Variants in GAK observed in about 807,000 individuals in gnomAD.
GAK encodes the protein cyclin-G-associated kinase.
A neutral mutation model predicts 143.9 loss-of-function variants in GAK; 79 were observed. The observed-to-expected ratio is 0.55, with a 90% CI of 0.46 to 0.66. GAK has a LOEUF of 0.66. GAK is among the 30% of genes least tolerant of loss of function. The probability of loss-of-function intolerance (pLI) is 0.00; values close to 1 mark genes in which losing one functional copy is unlikely to be tolerated. For synonymous variants in GAK, 881 were observed against 765.5 expected, an observed-to-expected ratio of 1.15 and a Z score of -2.49; for missense variants, 1,693 against 1,779.7, an observed-to-expected ratio of 0.95 and a Z score of 0.88.
chr4:891,356 G>A (rs1035479051), intron 9 of GAK, among the ~76,000 whole-genome samples: 3 of 150,844 alleles, frequency 2.0e-5, no homozygotes, highest in African/African-American at 4.9e-5. Flanking sequence ...CCTCCACCTC[G>A]CATGCCCAAC....
intron 25 of GAK, chr4:851,474 C>T: frequency 1.8e-6 from 1 of 552,128 alleles, no homozygotes; most frequent in South Asian, 2.2e-5. Context: ...CATCCTGATG[C>T]CTCCAGAGTA....
intron 1 of GAK, among the ~76,000 whole-genome samples, chr4:917,141 C>T (rs1206188177): frequency 6.6e-6 from 1 of 151,894 alleles, no homozygotes; most frequent in Admixed American, 6.6e-5. Flanking sequence ...AACGACCAGG[C>T]CAAAAAAAGA....
At chr4:868,381 A>G (rs1711522371) in intron 20 of GAK, among the ~76,000 whole-genome samples, 158 bp downstream of exon 20, 2 of 152,128 alleles carry the variant, frequency 1.3e-5, no homozygotes, top group South Asian at 2.1e-4. Context: ...CTCGTGAGCC[A>G]TTAAAGAACA....
intron 11 of GAK, among the ~76,000 whole-genome samples, chr4:885,475 T>C (rs530747592): frequency 9.9e-5 from 15 of 152,180 alleles, no homozygotes; most frequent in Non-Finnish European, 1.8e-4. Context: ...AGGTGGGCAT[T>C]GAGTGCCACA....
Position 896,758 on chromosome 4 carries a change from G to C in GAK, c.652-209C>G, listed in dbSNP as rs554580828. On this transcript the variant is annotated intron_variant, in intron 6 of 27. Coordinates refer to ENST00000314167, the MANE Select transcript of GAK (RefSeq NM_005255.4). ...GGCCTCAGCGCGCTCCTTACGATGA[G>C]GACTGAGTCATTCACCTCCCTCAAT... 1.2e-4 allele frequency among the ~76,000 whole-genome samples: 18 copies of C among 152,394 alleles called. No homozygotes were observed. The South Asian group carries it at 3.1e-3, about 26-fold the overall frequency.
intron 27 of GAK, 59 bp from the exon 28 acceptor site, chr4:849,833 G>GTCCCCCCCCCCCCCC: frequency 2.5e-6 from 3 of 1,190,152 alleles, no homozygotes; most frequent in Non-Finnish European, 3.5e-6. Context: ...GGCGGGGCAG[G>GTCCCCCCCCCCCCCC]ACCCCCCCCC....
chr4:929,057 C>T (rs1041284121), intron 1 of GAK, among the ~76,000 whole-genome samples: 3 of 152,336 alleles, frequency 2.0e-5, no homozygotes, highest in East Asian at 1.9e-4. Context: ...CCACTGCGCC[C>T]GGCCCAGAAC....
intron 1 of GAK, among the ~76,000 whole-genome samples, chr4:931,712 T>A (rs527319523): frequency 5.1e-4 from 77 of 151,898 alleles, no homozygotes; most frequent in African/African-American, 1.8e-3. Flanking sequence ...CGTAACATCT[T>A]CCCCCACCCA....
chr4:893,927 T>C lies in GAK; in HGVS notation c.824A>G (p.Lys275Arg). ...CGTGTCGTGCGGGGGGATCGAGTAC[T>C]TCCCATTGACTATTCGAAGTTTCGC... ...DGAKLRIVNGKYSIPPHDTQY... is the reference protein window; with the variant it reads ...DGAKLRIVNGRYSIPPHDTQY... The change falls in exon 8 of 28, where the codon AAG (lysine) becomes AGG (arginine). Residue 275 changes from lysine (K) to arginine (R), a missense_variant. By Grantham distance (26) the Lys-to-Arg change is conservative (BLOSUM62 2). Around this residue, in one of 2 missense-constraint regions of GAK, gnomAD observed 871 missense variants for 991.0 expected, o/e 0.88. Transcript: ENST00000314167. The C allele has an allele frequency of 6.2e-7, 1 of 1,612,870 alleles. No individual in the cohort carries two copies. The highest frequency in any genetic ancestry group is 8.5e-7 in the Non-Finnish European group (1 of 1,179,672).
At chr4:866,770 G>A (rs554245248) in intron 21 of GAK, among the ~76,000 whole-genome samples, 186 bp downstream of exon 21, 5 of 152,300 alleles carry the variant, frequency 3.3e-5, no homozygotes, top group South Asian at 2.1e-4. Context: ...AGTAGCTCCC[G>A]GCCCGTGAGC....
intron 5 of GAK, among the ~76,000 whole-genome samples, chr4:901,960 G>A (rs1255654501): frequency 2.0e-5 from 3 of 152,248 alleles, no homozygotes; most frequent in Admixed American, 6.5e-5. Flanking sequence ...TGTCCTGGCC[G>A]GGCGTGGTGT....
intron 24 of GAK, 57 bp from the exon 25 acceptor site, chr4:852,031 G>A: frequency 7.2e-7 from 1 of 1,389,522 alleles, no homozygotes; most frequent in Non-Finnish European, 1.0e-6. Context: ...GGCAACTACT[G>A]TTTCTATAAC....
intron 9 of GAK, among the ~76,000 whole-genome samples, chr4:891,788 G>C (rs910701953): frequency 6.6e-6 from 1 of 152,254 alleles, no homozygotes; most frequent in African/African-American, 2.4e-5. Context: ...CCAAGCGAGG[G>C]GGACACGAGG....
In GAK at chr4:870,717, TAGAC is replaced by T. The variant is rs1474854400; in HGVS notation, c.2238_2241del (p.Lys748LeufsTer71). Reference sequence around the variant, plus strand: ...TTCACCTGCGGGATCTTACCAAACTTAGACAGAATGTCTTGCTGCTCCTCCCGGC... The same window carrying T: ...TTCACCTGCGGGATCTTACCAAACTTAGAATGTCTTGCTGCTCCTCCCGGC... On this transcript the variant is annotated frameshift_variant, in exon 19 of 28. Coordinates refer to ENST00000314167, the MANE Select transcript of GAK (RefSeq NM_005255.4). LOFTEE classifies it high-confidence loss of function. 5 of 1,613,714 alleles carry T rather than the reference TAGAC, an allele frequency of 3.1e-6. No homozygotes were observed. The highest frequency in any genetic ancestry group is 1.7e-5 in the Admixed American group (1 of 59,942).
intron 21 of GAK, among the ~76,000 whole-genome samples, 194 bp from the exon 22 acceptor site, chr4:866,728 G>A (rs1298496417): frequency 6.6e-6 from 1 of 152,190 alleles, no homozygotes; most frequent in Admixed American, 6.5e-5. Context: ...ACTTTCCCAG[G>A]GACACAGCAA....
At chr4:876,729 G>A (rs1577121871) in intron 17 of GAK, 120 bp from the exon 18 acceptor site, 2 of 829,186 alleles carry the variant, frequency 2.4e-6, no homozygotes, top group African/African-American at 1.7e-5. Context: ...AGGCATGGAC[G>A]GCGCCCCCGT....
chr4:907,612 G>C (rs1721310576), intron 4 of GAK, among the ~76,000 whole-genome samples: 1 of 152,230 alleles, frequency 6.6e-6, no homozygotes, highest in Non-Finnish European at 1.5e-5. Flanking sequence ...GGCTGAGTGG[G>C]GAACCGGTAT....
At chr4:873,052 C>G (rs1296886395) in intron 18 of GAK, among the ~76,000 whole-genome samples, 1 of 152,220 alleles carries the variant, frequency 6.6e-6, no homozygotes, top group Non-Finnish European at 1.5e-5. Context: ...GAACACGCCT[C>G]TCGCCCACAG....
Position 870,739 on chromosome 4 carries a change from C to T in GAK, c.2220G>A (p.Glu740=). 6.2e-7 allele frequency: 1 copy of T among 1,614,016 alleles called. No homozygotes were observed. The highest frequency in any genetic ancestry group is 2.2e-5 in the East Asian group (1 of 44,878). Residue 740 remains glutamate, a synonymous_variant, in exon 19 of 28, where the codon GAG becomes GAA. Coordinates refer to ENST00000314167, the MANE Select transcript of GAK (RefSeq NM_005255.4). ...LNPKILFSSR[E]EQQDILSKFG... Reference sequence around the variant, plus strand: ...ACTTAGACAGAATGTCTTGCTGCTCCTCCCGGCTGGAAAACAGGATTTTGG... The same window carrying T: ...ACTTAGACAGAATGTCTTGCTGCTCTTCCCGGCTGGAAAACAGGATTTTGG...
Sources: allele counts gnomAD v4.1 joint callset (sites outside exome capture counted in the v4.1 genomes callset), GRCh38; gene constraint gnomAD v4.1.1; regional missense constraint gnomAD v4.1.1; transcripts MANE v1.5; gene names NCBI Gene and HGNC (gene_info 2026-07-23, HGNC 2026-07-21).